AMELY: variants seen among roughly 807,000 people sequenced by gnomAD.
AMELY encodes the protein amelogenin, Y isoform.
AMELY carries 4 observed loss-of-function variants against 4.2 expected under a neutral mutation model. The observed-to-expected ratio is 0.96, with a 90% CI of 0.47 to 2.19. AMELY has a LOEUF of 2.19. AMELY is among the 30% of genes most tolerant of loss of function. The probability of loss-of-function intolerance (pLI) is 0.02; values close to 1 mark genes in which losing one functional copy is unlikely to be tolerated. For missense variants in AMELY, 32 were observed against 41.5 expected (o/e 0.77, Z 0.63); for synonymous variants, 11 against 14.7 (o/e 0.75, Z 0.57).
chrY:6,887,950 T>C (rs762621533), intron 1 of AMELY, among the ~76,000 whole-genome samples: 1 of 33,760 alleles, frequency 3.0e-5, no homozygotes, highest in Admixed American at 2.8e-4. Context: ...TAAATAGTGC[T>C]TCAATAATTA....
At chrY:6,869,681 G>C in intron 4 of AMELY, among the ~76,000 whole-genome samples, 1 of 33,636 alleles carries the variant, frequency 3.0e-5, no homozygotes. Flanking sequence ...TTACCGGATG[G>C]GATAGAACCA....
At chrY:6,867,713 C>T in intron 6 of AMELY, among the ~76,000 whole-genome samples, 7 of 32,942 alleles carry the variant, frequency 2.1e-4, no homozygotes, top group African/African-American at 8.3e-4. Flanking sequence ...ACTGATATTC[C>T]CTTATTGCTG....
chrY:6,911,103 C>T (rs2011687854), intron 1 of AMELY: 1 of 36,118 alleles, frequency 2.8e-5, no homozygotes, highest in South Asian at 6.2e-4. Context: ...CCACGAACTC[C>T]TGGAGACGCA....
chrY:6,884,984 G>C (rs763632859), intron 1 of AMELY, among the ~76,000 whole-genome samples: 3 of 34,046 alleles, frequency 8.8e-5, no homozygotes, highest in South Asian at 6.5e-4. Flanking sequence ...GAAATAAAAA[G>C]TTCAGCATTT....
chrY:6,868,954 G>C (rs769630046), intron 4 of AMELY, 178 bp from the exon 5 acceptor site: 3 of 212,839 alleles, frequency 1.4e-5, no homozygotes, highest in South Asian at 1.0e-4. Context: ...GGTACTTCCT[G>C]TGTGTCAGGC....
intron 3 of AMELY, among the ~76,000 whole-genome samples, chrY:6,871,785 C>A (rs748628261): frequency 1.1e-3 from 34 of 31,316 alleles, no homozygotes; most frequent in African/African-American, 4.2e-3. Context: ...TGGTGAAACA[C>A]CGTCTCTACT....
chrY:6,905,072 C>T (rs2011659012), intron 1 of AMELY, among the ~76,000 whole-genome samples: 4 of 33,567 alleles, frequency 1.2e-4, no homozygotes, highest in African/African-American at 4.7e-4. Context: ...GCACAGCTTG[C>T]ACAGCAGCCT....
intron 1 of AMELY, among the ~76,000 whole-genome samples, chrY:6,897,033 G>T (rs1006872828): frequency 1.8e-4 from 6 of 33,564 alleles, no homozygotes; most frequent in Admixed American, 1.6e-3. Flanking sequence ...CAAGGCTAAA[G>T]TCTTGGAAAC....
At chrY:6,899,593 C>T (rs2054088104) in intron 1 of AMELY, among the ~76,000 whole-genome samples, 1 of 31,037 alleles carries the variant, frequency 3.2e-5, no homozygotes, top group Non-Finnish European at 7.7e-5. Flanking sequence ...ATTAGCTGGG[C>T]GTGGTGGCTC....
intron 1 of AMELY, among the ~76,000 whole-genome samples, chrY:6,892,128 A>T: frequency 3.0e-5 from 1 of 33,634 alleles, no homozygotes; most frequent in Non-Finnish European, 7.3e-5. Context: ...GACATCAAAG[A>T]GAAGACACCG....
chrY:6,884,881 C>G (rs2054078005), intron 1 of AMELY, among the ~76,000 whole-genome samples: 1 of 32,846 alleles, frequency 3.0e-5, no homozygotes, highest in African/African-American at 1.2e-4. Flanking sequence ...TTTAAACTAA[C>G]CCATAAAAAA....
At chrY:6,897,938 C>T (rs2054087083) in intron 1 of AMELY, among the ~76,000 whole-genome samples, 3 of 31,774 alleles carry the variant, frequency 9.4e-5, no homozygotes, top group Non-Finnish European at 1.5e-4. Flanking sequence ...GCATGCACCA[C>T]CAAGCCCACC....
rs2124085283 is a variant in AMELY at position 6,903,663 on chromosome Y, T to A, written c.-113+8010A>T. The stretch of plus-strand genomic sequence containing the variant: ...GTAAGACCAATGAATTCTGTGAGCA[T>A]GAGCTCACTGCCACACTTCTTTAGC... On this transcript the variant is annotated intron_variant, in intron 1 of 6. Transcript: ENST00000651267. Among the ~76,000 whole-genome samples, 3 of 33,655 alleles carry A rather than the reference T, an allele frequency of 8.9e-5. No homozygotes were observed. The South Asian group carries it at 2.0e-3, about 23-fold the overall frequency. 90.3% of individuals were successfully genotyped at this position (33,655 alleles called of 37,273 possible). A position where few individuals can be genotyped will look rare whatever the true frequency, so the allele number is the denominator to read the frequency against.
At chrY:6,893,507 C>T (rs897142197) in intron 1 of AMELY, among the ~76,000 whole-genome samples, 1 of 33,309 alleles carries the variant, frequency 3.0e-5, no homozygotes, top group Admixed American at 2.8e-4. Context: ...TTTCACAAGA[C>T]GTGTATTTGC....
At chrY:6,893,926 C>A in intron 1 of AMELY, among the ~76,000 whole-genome samples, 1 of 32,928 alleles carries the variant, frequency 3.0e-5, no homozygotes, top group Non-Finnish European at 7.4e-5. Flanking sequence ...TTACTATAAT[C>A]GTTCACAACC....
At chrY:6,899,394 C>G (rs781184180) in intron 1 of AMELY, among the ~76,000 whole-genome samples, 3 of 32,817 alleles carry the variant, frequency 9.1e-5, no homozygotes, top group East Asian at 8.2e-4. Flanking sequence ...TGGCCACTGC[C>G]GCAGCTTTTG....
intron 1 of AMELY, among the ~76,000 whole-genome samples, chrY:6,882,233 G>T (rs997800340): frequency 3.1e-5 from 1 of 32,748 alleles, no homozygotes; most frequent in South Asian, 6.9e-4. Context: ...TATTGGTACC[G>T]GTACCAAAAC....
chrY:6,894,006 G>A, intron 1 of AMELY, among the ~76,000 whole-genome samples: 1 of 33,069 alleles, frequency 3.0e-5, no homozygotes, highest in Non-Finnish European at 7.4e-5. Flanking sequence ...TTTGATGTTG[G>A]AACTATGTTC....
intron 1 of AMELY, among the ~76,000 whole-genome samples, chrY:6,905,697 C>T (rs2011661069): frequency 6.5e-5 from 2 of 30,919 alleles, no homozygotes; most frequent in South Asian, 1.5e-3. Context: ...CAGGTTCATG[C>T]CATTCTCCTG....
Sources: allele counts gnomAD v4.1 joint callset (sites outside exome capture counted in the v4.1 genomes callset), GRCh38; gene constraint gnomAD v4.1.1; transcripts MANE v1.5; gene names NCBI Gene and HGNC (gene_info 2026-07-23, HGNC 2026-07-21).